Variants in PDE10A observed in about 807,000 individuals in gnomAD.
PDE10A encodes cAMP and cAMP-inhibited cGMP 3',5'-cyclic phosphodiesterase 10A.
A neutral mutation model predicts 97.7 loss-of-function variants in PDE10A; 39 were observed. That is an observed-to-expected ratio of 0.40 (90% CI 0.31 to 0.52). PDE10A has a LOEUF of 0.52. PDE10A is among the 20% of genes least tolerant of loss of function. PDE10A has a pLI of 0.56. For synonymous variants in PDE10A, 371 were observed against 376.8 expected (o/e 0.98, Z 0.18); for missense variants, 731 against 1,047.8 (o/e 0.70, Z 4.17).
chr6:165,968,325 C>CATCGGACT lies in PDE10A; in HGVS notation c.-615+19196_-615+19203dup, dbSNP rs536118044. On this transcript the variant is annotated intron_variant, in intron 1 of 19. Coordinates refer to the PDE10A transcript ENST00000366882. ...TTTTACACAGTATTGACATCAAACC[C>CATCGGACT]ATCGGACTGTGGTGGATGGTGTCAC... 1.3e-3 allele frequency among the ~76,000 whole-genome samples: 191 copies of CATCGGACT among 152,340 alleles called. 1 individual carries two copies. Among genetic ancestry groups the CATCGGACT allele is most frequent in the African/African-American group, 4.5e-3 (187 of 41,570 alleles).
chr6:165,585,619 A>G (rs945068071), intron 1 of PDE10A, among the ~76,000 whole-genome samples: 1 of 152,162 alleles, frequency 6.6e-6, no homozygotes, highest in Non-Finnish European at 1.5e-5. Context: ...TGGAATAGGC[A>G]GGAAAGGACT....
intron 2 of PDE10A, among the ~76,000 whole-genome samples, chr6:165,523,941 G>A (rs1421374937): frequency 1.3e-5 from 2 of 152,144 alleles, no homozygotes; most frequent in African/African-American, 4.8e-5. Context: ...GGGAAGACGG[G>A]CCCACTCTTA....
chr6:165,725,655 T>C (rs1792275007), intron 1 of PDE10A, among the ~76,000 whole-genome samples: 1 of 152,206 alleles, frequency 6.6e-6, no homozygotes, highest in African/African-American at 2.4e-5. Flanking sequence ...TGCTCATTCT[T>C]CATAAAGTTG....
intron 8 of PDE10A, among the ~76,000 whole-genome samples, chr6:165,431,018 T>C (rs1024322537): frequency 6.6e-5 from 10 of 152,148 alleles, no homozygotes; most frequent in African/African-American, 2.4e-4. Flanking sequence ...GAACCAGATA[T>C]CTTAAAGTTA....
At chr6:165,618,131 T>C (rs887254128) in intron 1 of PDE10A, among the ~76,000 whole-genome samples, 2 of 152,218 alleles carry the variant, frequency 1.3e-5, no homozygotes, top group South Asian at 2.1e-4. Flanking sequence ...TCTATATGTA[T>C]TCAATATATG....
At position 165,723,849 on chromosome 6, in the gene PDE10A, G is replaced by GTT. The variant is rs11387714; in HGVS notation, c.-614-180283_-614-180282dup. Among the ~76,000 whole-genome samples, 236 of 149,354 alleles carry GTT rather than the reference G, an allele frequency of 1.6e-3. No homozygotes were observed. The East Asian group carries it at 0.018, about 11-fold the overall frequency. ...AACAAACGAGAAATAAGATAAAGGT[G>GTT]TTTTTTTTTTTAATTTTCCCTTGGG... On this transcript the variant is annotated intron_variant, in intron 1 of 19. Transcript: ENST00000366882.
chr6:165,364,005 T>G (rs917744512), intron 18 of PDE10A, among the ~76,000 whole-genome samples: 1 of 152,136 alleles, frequency 6.6e-6, no homozygotes. Context: ...CTTTAGAAAC[T>G]GACAAGGTGA....
chr6:165,951,537 C>A (rs148903826), intron 1 of PDE10A, among the ~76,000 whole-genome samples: 1 of 152,232 alleles, frequency 6.6e-6, no homozygotes, highest in African/African-American at 2.4e-5. Context: ...AGAGCGACAT[C>A]CAGCTTCTTC....
chr6:165,926,594 T>G (rs1782941258), intron 1 of PDE10A, among the ~76,000 whole-genome samples: 1 of 152,220 alleles, frequency 6.6e-6, no homozygotes, highest in Non-Finnish European at 1.5e-5. Context: ...GTCCCTGCAC[T>G]GGATGACAGG....
chr6:165,402,307 T>C (rs1786731035), intron 13 of PDE10A, among the ~76,000 whole-genome samples: 1 of 152,046 alleles, frequency 6.6e-6, no homozygotes, highest in South Asian at 2.1e-4. Context: ...ATATTTGTAA[T>C]CAGTGTAGGT....
intron 1 of PDE10A, among the ~76,000 whole-genome samples, chr6:165,648,859 T>C (rs568262508): frequency 6.6e-6 from 1 of 152,336 alleles, no homozygotes; most frequent in East Asian, 1.9e-4. Context: ...CACAAAGGCA[T>C]TCCGGGTGGC....
At chr6:165,713,043 A>T (rs1311225334) in intron 1 of PDE10A, among the ~76,000 whole-genome samples, 1 of 152,234 alleles carries the variant, frequency 6.6e-6, no homozygotes, top group African/African-American at 2.4e-5. Flanking sequence ...TGTTTCAGTC[A>T]TCCAGTGCGA....
At chr6:165,654,419 T>C (rs1312637510) in intron 1 of PDE10A, among the ~76,000 whole-genome samples, 2 of 151,264 alleles carry the variant, frequency 1.3e-5, no homozygotes, top group South Asian at 2.1e-4. Context: ...TGCTGTCCAA[T>C]TGAGAGAAAT....
intron 3 of PDE10A, among the ~76,000 whole-genome samples, chr6:165,463,335 TAAAAAA>T (rs1778437445): frequency 6.6e-6 from 1 of 152,152 alleles, no homozygotes; most frequent in African/African-American, 2.4e-5. Flanking sequence ...TGGGAAAGAA[TAAAAAA>T]GCTTCTAGAA....
intron 3 of PDE10A, among the ~76,000 whole-genome samples, chr6:165,450,853 G>A (rs965416881): frequency 6.6e-6 from 1 of 152,154 alleles, no homozygotes; most frequent in Non-Finnish European, 1.5e-5. Context: ...ATGAGCCACT[G>A]CACCCGGCCG....
rs1562809890 is a variant in PDE10A at position 165,943,262 on chromosome 6, G to GAAA, written c.-615+44266_-615+44267insTTT. ...AGGAAGGAAGGAAGGAAGGAAGGAA[G>GAAA]GAAGGAAGGAAGGAAAGAAAGAAAG... is the stretch of plus-strand genomic sequence containing the variant. On this transcript the variant is annotated intron_variant, in intron 1 of 19. Transcript: ENST00000366882. Among the ~76,000 whole-genome samples the GAAA allele has an allele frequency of 8.4e-4, 67 of 79,616 alleles. 7 individuals carry two copies. Among genetic ancestry groups the GAAA allele is most frequent in the African/African-American group, 3.5e-3 (52 of 14,954 alleles). The allele number at this position is 79,616 out of a possible 152,430, so 52.2% of individuals were successfully genotyped here.
At chr6:165,618,609 G>T (rs1787833352) in intron 1 of PDE10A, among the ~76,000 whole-genome samples, 1 of 152,082 alleles carries the variant, frequency 6.6e-6, no homozygotes, top group Non-Finnish European at 1.5e-5. Flanking sequence ...AGGGGTTCAG[G>T]GCCCCCCAGA....
In PDE10A at chr6:165,804,478, G is replaced by A. The variant is rs1168919866; in HGVS notation, c.-615+183051C>T. Among the ~76,000 whole-genome samples, 3 of 152,296 alleles carry A rather than the reference G, an allele frequency of 2.0e-5. 1 individual carries two copies. The South Asian group carries it at 6.2e-4, about 32-fold the overall frequency. ...GAATGTTCACGTCCTTGTATTGTGC[G>A]GTGGGGAGAGAGACCAATTAGAAGG... is the stretch of plus-strand genomic sequence containing the variant. On this transcript the variant is annotated intron_variant, in intron 1 of 19. Transcript: ENST00000366882.
At chr6:165,353,589 G>A (rs1267735492) in intron 18 of PDE10A, among the ~76,000 whole-genome samples, 1 of 152,164 alleles carries the variant, frequency 6.6e-6, no homozygotes, top group African/African-American at 2.4e-5. Context: ...AAAAGACATG[G>A]AAGAAACTTA....
Sources: allele counts gnomAD v4.1 joint callset (sites outside exome capture counted in the v4.1 genomes callset), GRCh38; gene constraint gnomAD v4.1.1; transcripts MANE v1.5; gene names NCBI Gene and HGNC (gene_info 2026-07-23, HGNC 2026-07-21).